CCDC32: variants seen among roughly 807,000 people sequenced by gnomAD.
CCDC32 encodes coiled-coil domain containing 32, also known as coiled-coil domain-containing protein 32.
In CCDC32, 9 loss-of-function variants were observed where a neutral mutation model predicts 20.1. The ratio of observed to expected loss-of-function variants is 0.45; its 90% confidence interval spans 0.27 to 0.78. The LOEUF (loss-of-function observed/expected upper bound fraction) is 0.78, where lower values mean the gene tolerates loss of function less well. Among genes scored for constraint, CCDC32 ranks in the 30% least tolerant of loss-of-function variants. CCDC32 has a pLI of 0.16. For synonymous variants in CCDC32, 63 were observed against 79.0 expected, an observed-to-expected ratio of 0.80 and a Z score of 1.07; for missense variants, 204 against 215.5, an observed-to-expected ratio of 0.95 and a Z score of 0.33.
At chr15:40,557,469 C>T (rs1030153512) in intron 2 of CCDC32, 97 bp from the exon 3 acceptor site, 18 of 1,319,112 alleles carry the variant, frequency 1.4e-5, no homozygotes, top group East Asian at 1.2e-4. Flanking sequence ...AATCTCTCAC[C>T]GATGAGGACA....
At chr15:40,525,202 G>T (rs576529360), downstream of CCDC32, among the ~76,000 whole-genome samples, 1 of 152,088 alleles carries the variant, frequency 6.6e-6, no homozygotes, top group Admixed American at 6.6e-5. Flanking sequence ...TAATTTTGTT[G>T]TATTTTTAGT....
chr15:40,546,338 C>T (rs1229668889), intron 3 of CCDC32, among the ~76,000 whole-genome samples: 1 of 151,928 alleles, frequency 6.6e-6, no homozygotes, highest in Admixed American at 6.6e-5. Flanking sequence ...ACCACAGGCA[C>T]GAGCCACCAT....
chr15:40,533,919 A>G (rs1347953387), downstream of CCDC32, among the ~76,000 whole-genome samples: 2 of 152,170 alleles, frequency 1.3e-5, no homozygotes, highest in African/African-American at 4.8e-5. Context: ...TGTTCTCGCT[A>G]TGCCGTTAGA....
intron 3 of CCDC32, among the ~76,000 whole-genome samples, chr15:40,542,857 A>G (rs1488762556): frequency 6.8e-6 from 1 of 147,372 alleles, no homozygotes; most frequent in East Asian, 1.9e-4. Flanking sequence ...CTCAAAAGAA[A>G]AAAAAAAAAA....
At chr15:40,539,840 CCACACACACACACA>C (rs142688774) in intron 3 of CCDC32, among the ~76,000 whole-genome samples, 3 of 134,540 alleles carry the variant, frequency 2.2e-5, no homozygotes, top group African/African-American at 2.8e-5. Context: ...CAAACTGTTG[CCACACACACACACA>C]CACACACACA....
At chr15:40,535,392 T>C (rs1889066716), downstream of CCDC32, 3 of 1,029,932 alleles carry the variant, frequency 2.9e-6, no homozygotes, top group Non-Finnish European at 3.5e-6. Context: ...TAATGCTTTA[T>C]ATTTCTAACC....
intron 1 of CCDC32, among the ~76,000 whole-genome samples, chr15:40,563,443 T>C (rs1159350396): frequency 2.0e-5 from 3 of 152,134 alleles, no homozygotes; most frequent in African/African-American, 7.2e-5. Context: ...ATTCCACTTA[T>C]ATAAGGTACC....
At chr15:40,557,787 C>T (rs1890349341) in intron 2 of CCDC32, 1 of 152,416 alleles carries the variant, frequency 6.6e-6, no homozygotes, top group African/African-American at 2.4e-5. Flanking sequence ...CTTTTTGTTA[C>T]AGTAACATGA....
intron 3 of CCDC32, chr15:40,528,919 G>T: frequency 1.6e-6 from 1 of 615,164 alleles, no homozygotes; most frequent in South Asian, 2.0e-5. Context: ...GCTCCAGCAC[G>T]TGCTGAGTGG....
At chr15:40,523,504 C>CAAAAAAAA in the CCDC32 span, among the ~76,000 whole-genome samples, 1 of 88,538 alleles carries the variant, frequency 1.1e-5, no homozygotes. Flanking sequence ...AACTCCATCT[C>CAAAAAAAA]AAAAAAAAAA....
At chr15:40,525,646 T>G (rs1303034171), downstream of CCDC32, among the ~76,000 whole-genome samples, 1 of 152,192 alleles carries the variant, frequency 6.6e-6, no homozygotes, top group African/African-American at 2.4e-5. Context: ...CCTCAGCTCC[T>G]TTGACCTCAC....
chr15:40,552,371 C>T (rs1889919690), downstream of CCDC32, among the ~76,000 whole-genome samples: 1 of 150,680 alleles, frequency 6.6e-6, no homozygotes, highest in Non-Finnish European at 1.5e-5. Context: ...ATCCCAGCTA[C>T]TCAGGAGGCT....
At chr15:40,559,542 C>A (rs1162257216) in intron 2 of CCDC32, among the ~76,000 whole-genome samples, 2 of 152,202 alleles carry the variant, frequency 1.3e-5, no homozygotes, top group African/African-American at 4.8e-5. Context: ...TAGGCCATGG[C>A]TGCAAGCATT....
downstream of CCDC32, chr15:40,538,954 G>A (rs1257367042): frequency 1.3e-5 from 6 of 451,806 alleles, no homozygotes; most frequent in Non-Finnish European, 2.0e-5. Context: ...CTTGCCACAG[G>A]TGGGCTCACC....
downstream of CCDC32, among the ~76,000 whole-genome samples, chr15:40,533,677 G>GT (rs1888983754): frequency 1.3e-5 from 2 of 151,948 alleles, no homozygotes; most frequent in Non-Finnish European, 2.9e-5. Context: ...TTTTCAGCAC[G>GT]TTTTTTAAAA....
chr15:40,558,803 TTTC>T (rs1405345765), intron 2 of CCDC32, among the ~76,000 whole-genome samples: 5 of 95,926 alleles, frequency 5.2e-5, no homozygotes. Context: ...TTTTTCTTTC[TTTC>T]TTTTTTTTTT....
At chr15:40,541,682 C>G (rs1889401765) in intron 3 of CCDC32, among the ~76,000 whole-genome samples, 1 of 152,204 alleles carries the variant, frequency 6.6e-6, no homozygotes, top group Admixed American at 6.5e-5. Flanking sequence ...CCCTAACTAC[C>G]CACAGTGGAC....
chr15:40,556,896 G>T, intron 3 of CCDC32: 1 of 195,274 alleles, frequency 5.1e-6, no homozygotes, highest in East Asian at 1.3e-4. Flanking sequence ...AAGAGATGAA[G>T]AGATAGTTCC....
chr15:40,525,014 C>T (rs1050956446), downstream of CCDC32, among the ~76,000 whole-genome samples: 17 of 151,550 alleles, frequency 1.1e-4, no homozygotes, highest in Non-Finnish European at 7.4e-5. Flanking sequence ...AGGCATGAGT[C>T]ACCATGCCCA....
Sources: gnomAD v4.1 joint callset for allele counts (sites outside exome capture counted in the v4.1 genomes callset) on GRCh38, gnomAD v4.1.1 for gene constraint, MANE v1.5 for transcripts, NCBI Gene and HGNC (gene_info 2026-07-23, HGNC 2026-07-21) for gene names.